B4GALT6: variants seen among roughly 807,000 people sequenced by gnomAD.
B4GALT6 encodes the protein beta-1,4-galactosyltransferase 6.
Under a neutral mutation model 46.3 loss-of-function variants are expected in B4GALT6, and 14 were observed. The observed-to-expected ratio is 0.30, with a 90% CI of 0.20 to 0.47. B4GALT6 has a LOEUF of 0.47. B4GALT6 is among the 20% of genes least tolerant of loss of function. The pLI is 0.99. For missense variants in B4GALT6, 386 were observed against 480.1 expected (o/e 0.80, Z 1.83); for synonymous variants, 168 against 162.0 (o/e 1.04, Z -0.28).
chr18:31,631,200 C>CA, intron 5 of B4GALT6, 54 bp from the exon 6 acceptor site: 25 of 1,148,098 alleles, frequency 2.2e-5, no homozygotes, highest in Middle Eastern at 2.8e-4. Context: ...ACTTCATCAT[C>CA]TTTTTTTTTT....
intron 1 of B4GALT6, among the ~76,000 whole-genome samples, chr18:31,671,635 AG>A (rs2074358712): frequency 6.6e-6 from 1 of 152,212 alleles, no homozygotes; most frequent in South Asian, 2.1e-4. Flanking sequence ...TCTGGATATT[AG>A]CCCTTTGTCC....
At chr18:31,629,796 G>A (rs1261960458) in intron 6 of B4GALT6, among the ~76,000 whole-genome samples, 2 of 147,104 alleles carry the variant, frequency 1.4e-5, no homozygotes, top group African/African-American at 5.0e-5. Context: ...CTTGCAGTGA[G>A]CCGAGATCGC....
chr18:31,697,272 C>A, the B4GALT6 span, among the ~76,000 whole-genome samples: 13 of 151,552 alleles, frequency 8.6e-5, no homozygotes, highest in Non-Finnish European at 1.8e-4. Flanking sequence ...TCTCCCCCAC[C>A]CTGAAAAAAA....
At chr18:31,698,814 A>G in the B4GALT6 span, among the ~76,000 whole-genome samples, 1 of 152,066 alleles carries the variant, frequency 6.6e-6, no homozygotes, top group Non-Finnish European at 1.5e-5. Flanking sequence ...TCATGCCTGT[A>G]AAGCCCAGCA....
intron 1 of B4GALT6, among the ~76,000 whole-genome samples, chr18:31,673,285 G>C (rs939583982): frequency 5.9e-5 from 9 of 152,058 alleles, no homozygotes; most frequent in African/African-American, 2.2e-4. Flanking sequence ...AAAAACAAAG[G>C]AGAGTGAAAG....
the B4GALT6 span, among the ~76,000 whole-genome samples, chr18:31,712,259 T>C: frequency 6.6e-6 from 1 of 151,594 alleles, no homozygotes; most frequent in Admixed American, 6.6e-5. Flanking sequence ...GGAGTTGCCC[T>C]TGTTTTTTGC....
upstream of B4GALT6, among the ~76,000 whole-genome samples, chr18:31,685,432 G>T (rs904253651): frequency 1.5e-4 from 22 of 151,418 alleles, no homozygotes; most frequent in African/African-American, 5.3e-4. Flanking sequence ...GGAACGTCTC[G>T]AGACCCCTGC....
At chr18:31,713,483 G>A in the B4GALT6 span, among the ~76,000 whole-genome samples, 5 of 152,324 alleles carry the variant, frequency 3.3e-5, no homozygotes, top group East Asian at 7.7e-4. Context: ...GTTTGATGCT[G>A]CAGATGGAGA....
the B4GALT6 span, among the ~76,000 whole-genome samples, chr18:31,718,288 A>C: frequency 3.9e-5 from 6 of 152,346 alleles, no homozygotes; most frequent in Admixed American, 6.5e-5. Context: ...GAGGCCAGGG[A>C]TGCTGCTGAA....
Position 31,625,208 on chromosome 18 carries a change from A to C in B4GALT6, c.*406T>G, listed in dbSNP as rs1470788926. ...TAAAAGTCCAATAAAGGTATAACCG[A>C]TTACATGCAAAACTGCAACACATCT... On this transcript the variant is annotated 3_prime_UTR_variant, in exon 9 of 9. Coordinates refer to ENST00000306851, the MANE Select transcript of B4GALT6 (RefSeq NM_004775.5). The C allele has an allele frequency of 6.3e-6, 1 of 158,662 alleles. No individual in the cohort carries two copies. Among genetic ancestry groups the C allele is most frequent in the Non-Finnish European group, 1.4e-5 (1 of 72,398 alleles). 9.8% of individuals were successfully genotyped at this position (158,662 alleles called of 1,614,324 possible). A position where few individuals can be genotyped will look rare whatever the true frequency, so the allele number is the denominator to read the frequency against.
intron 1 of B4GALT6, among the ~76,000 whole-genome samples, chr18:31,668,705 A>G (rs937222856): frequency 3.3e-5 from 5 of 152,136 alleles, no homozygotes; most frequent in Non-Finnish European, 5.9e-5. Flanking sequence ...AAAGTCATCT[A>G]AAAGTTGTAA....
chr18:31,638,784 T>C lies in B4GALT6; in HGVS notation c.472-24A>G, dbSNP rs368503724. The C allele has an allele frequency of 2.8e-4, 431 of 1,535,480 alleles. 1 individual carries two copies. The highest frequency in any genetic ancestry group is 3.7e-4 in the Non-Finnish European group (412 of 1,109,240). On this transcript the variant is annotated intron_variant, in intron 4 of 8. Coordinates refer to ENST00000306851, the MANE Select transcript of B4GALT6 (RefSeq NM_004775.5). ...ACCTTTAAAACAAAATAGTCATGTA[T>C]GTAAATAAATATATCTACCACATCC...
At chr18:31,662,827 C>T (rs1033733361) in intron 2 of B4GALT6, among the ~76,000 whole-genome samples, 6 of 151,734 alleles carry the variant, frequency 4.0e-5, no homozygotes, top group African/African-American at 9.7e-5. Flanking sequence ...GGCGACAGAG[C>T]GAGACTCTGT....
At chr18:31,629,010 C>T (rs576073329) in intron 6 of B4GALT6, among the ~76,000 whole-genome samples, 7 of 152,326 alleles carry the variant, frequency 4.6e-5, no homozygotes, top group African/African-American at 1.4e-4. Context: ...GCCTACTCCA[C>T]GTGAGGACGA....
chr18:31,643,423 G>C (rs781000229), intron 4 of B4GALT6, among the ~76,000 whole-genome samples: 1 of 151,948 alleles, frequency 6.6e-6, no homozygotes, highest in African/African-American at 2.4e-5. Flanking sequence ...CTCAGCCTCC[G>C]GAGTAGCTGG....
intron 3 of B4GALT6, among the ~76,000 whole-genome samples, chr18:31,653,435 C>CTTTTTTTTTTTT (rs5823819): frequency 2.7e-5 from 2 of 74,146 alleles, no homozygotes; most frequent in Non-Finnish European, 4.7e-5. Context: ...AACCTTTTTT[C>CTTTTTTTTTTTT]TTTTTTTTTT....
chr18:31,723,975 C>T, the B4GALT6 span, among the ~76,000 whole-genome samples: 15 of 151,800 alleles, frequency 9.9e-5, no homozygotes, highest in African/African-American at 3.6e-4. Context: ...CCCCACCCCA[C>T]CAGGCTGCTG....
chr18:31,709,964 G>A, the B4GALT6 span, among the ~76,000 whole-genome samples: 2 of 151,750 alleles, frequency 1.3e-5, no homozygotes, highest in African/African-American at 4.8e-5. Context: ...GTTTGGTGGT[G>A]CACGCCTGTA....
At chr18:31,664,619 A>G (rs572765288) in intron 2 of B4GALT6, among the ~76,000 whole-genome samples, 1 of 151,798 alleles carries the variant, frequency 6.6e-6, no homozygotes, top group Non-Finnish European at 1.5e-5. Context: ...ACATCCACAC[A>G]TATACCTTAT....
Sources: gnomAD v4.1 joint callset for allele counts (sites outside exome capture counted in the v4.1 genomes callset) on GRCh38, gnomAD v4.1.1 for gene constraint, MANE v1.5 for transcripts, NCBI Gene and HGNC (gene_info 2026-07-23, HGNC 2026-07-21) for gene names.